UBE2D2: variants seen among roughly 807,000 people sequenced by gnomAD.
UBE2D2 encodes the protein ubiquitin conjugating enzyme E2 D2, also known as ubiquitin-conjugating enzyme E2 D2.
Under a neutral mutation model 24.2 loss-of-function variants are expected in UBE2D2, and 2 were observed. The ratio of observed to expected loss-of-function variants is 0.08; its 90% CI spans 0.03 to 0.26. The LOEUF is 0.26. Among genes scored for constraint, UBE2D2 ranks in the 10% least tolerant of loss-of-function variants. The pLI is 1.00. For missense variants in UBE2D2, 44 were observed against 177.6 expected (o/e 0.25, Z 4.28); for synonymous variants, 58 against 56.5 (o/e 1.03, Z -0.12).
intron 5 of UBE2D2, among the ~76,000 whole-genome samples, chr5:139,616,965 T>C (rs1261812881): frequency 6.6e-6 from 1 of 152,124 alleles, no homozygotes; most frequent in Non-Finnish European, 1.5e-5. Context: ...GCAGATGACT[T>C]GAGACCAGGA....
At chr5:139,557,144 CT>C (rs532571335), upstream of UBE2D2, among the ~76,000 whole-genome samples, 36 of 146,850 alleles carry the variant, frequency 2.5e-4, no homozygotes, top group African/African-American at 9.0e-4. Context: ...ACTTTTATTT[CT>C]TTTTTGAGAC....
rs76951780 is a variant in UBE2D2 at position 139,571,092 on chromosome 5, T to A, written c.24+9277T>A. ...AATATAAATCTTACGTGTGAGTTGT[T>A]AGGGATTTCCTTCAAGGTATTAAAA... On this transcript the variant is annotated intron_variant, in intron 1 of 6. Coordinates refer to ENST00000398733, the MANE Select transcript of UBE2D2 (RefSeq NM_003339.3). Among the ~76,000 whole-genome samples the A allele has an allele frequency of 5.8e-3, 881 of 152,196 alleles. 13 individuals are homozygous for A. The highest frequency in any genetic ancestry group is 0.018 in the African/African-American group (749 of 41,536).
rs534040204 is a variant in UBE2D2 at position 139,526,927 on chromosome 5, A to G, written c.-64+315A>G. 8.7e-4 allele frequency among the ~76,000 whole-genome samples: 133 copies of G among 152,320 alleles called. 1 individual carries two copies. Among genetic ancestry groups the G allele is most frequent in the African/African-American group, 3.1e-3 (129 of 41,574 alleles). Reference sequence around the variant, plus strand: ...ATGATTTTGGTTTGGTATAAACGGTAAAAGTGTGTGTGTACCCTCTTTACC... The same window carrying G: ...ATGATTTTGGTTTGGTATAAACGGTGAAAGTGTGTGTGTACCCTCTTTACC... On this transcript the variant is annotated intron_variant, in intron 1 of 6. Transcript: ENST00000511725.
intron 1 of UBE2D2, among the ~76,000 whole-genome samples, chr5:139,543,200 T>G (rs1284239210): frequency 6.6e-6 from 1 of 152,190 alleles, no homozygotes; most frequent in East Asian, 1.9e-4. Context: ...TGGCATATGT[T>G]ACTTTTTAAA....
At chr5:139,569,789 G>A (rs1478850936) in intron 1 of UBE2D2, among the ~76,000 whole-genome samples, 1 of 152,164 alleles carries the variant, frequency 6.6e-6, no homozygotes, top group East Asian at 1.9e-4. Flanking sequence ...ACTGTCCAGT[G>A]TATTTTCTGG....
At chr5:139,608,953 G>T (rs1754256044) in intron 2 of UBE2D2, among the ~76,000 whole-genome samples, 1 of 151,996 alleles carries the variant, frequency 6.6e-6, no homozygotes, top group Non-Finnish European at 1.5e-5. Flanking sequence ...CAGGTGTGGT[G>T]GCACACACCT....
At chr5:139,559,965 A>T (rs1351524927), upstream of UBE2D2, among the ~76,000 whole-genome samples, 2 of 151,912 alleles carry the variant, frequency 1.3e-5, no homozygotes, top group Admixed American at 6.6e-5. Flanking sequence ...ATCTCCTAAA[A>T]AACAATTCCA....
intron 1 of UBE2D2, among the ~76,000 whole-genome samples, chr5:139,546,205 G>T (rs261538): frequency 6.7e-6 from 1 of 150,210 alleles, no homozygotes; most frequent in Non-Finnish European, 1.5e-5. Flanking sequence ...CACCATGCCC[G>T]TCTAATTTTT....
At chr5:139,623,969 G>A (rs986644387) in intron 6 of UBE2D2, among the ~76,000 whole-genome samples, 3 of 152,084 alleles carry the variant, frequency 2.0e-5, no homozygotes, top group Admixed American at 2.0e-4. Context: ...GGGATTACAG[G>A]TGTGAGCCAC....
exon 1 of UBE2D2, chr5:139,526,579 A>G (rs925129850): frequency 3.9e-5 from 6 of 152,290 alleles, no homozygotes; most frequent in Admixed American, 2.6e-4. Context: ...CCGGGAAGGA[A>G]CTGGCACTTG....
chr5:139,581,913 C>T (rs562856367), intron 1 of UBE2D2, among the ~76,000 whole-genome samples: 1 of 152,068 alleles, frequency 6.6e-6, no homozygotes, highest in Admixed American at 6.6e-5. Context: ...GTGATCTGGC[C>T]GCCATGGCCT....
chr5:139,616,184 G>T (rs1754415961), intron 5 of UBE2D2, among the ~76,000 whole-genome samples: 1 of 149,724 alleles, frequency 6.7e-6, no homozygotes, highest in South Asian at 2.2e-4. Flanking sequence ...TTATGGCCTG[G>T]CACGGTGGCT....
chr5:139,578,177 A>G (rs1045930904), intron 1 of UBE2D2, among the ~76,000 whole-genome samples: 2 of 152,170 alleles, frequency 1.3e-5, no homozygotes, highest in African/African-American at 4.8e-5. Flanking sequence ...ATGGAATTTC[A>G]GATCCTGACA....
At chr5:139,596,147 C>T (rs906430918) in intron 1 of UBE2D2, among the ~76,000 whole-genome samples, 1 of 151,914 alleles carries the variant, frequency 6.6e-6, no homozygotes, top group Admixed American at 6.6e-5. Context: ...CCACCTCAGC[C>T]TCCCAAAGTG....
At chr5:139,547,592 C>A (rs192202745) in intron 1 of UBE2D2, among the ~76,000 whole-genome samples, 66 of 152,094 alleles carry the variant, frequency 4.3e-4, no homozygotes, top group African/African-American at 1.4e-3. Flanking sequence ...TCACTGCAAC[C>A]ACCACCTCCT....
chr5:139,555,160 C>T (rs1369686849), intron 1 of UBE2D2, among the ~76,000 whole-genome samples: 1 of 151,964 alleles, frequency 6.6e-6, no homozygotes, highest in Non-Finnish European at 1.5e-5. Context: ...ATTCTCCTGC[C>T]TCAGCCCCTG....
chr5:139,527,283 C>A (rs1752552760), intron 1 of UBE2D2, among the ~76,000 whole-genome samples: 1 of 152,066 alleles, frequency 6.6e-6, no homozygotes, highest in Non-Finnish European at 1.5e-5. Context: ...GTTTTAGACC[C>A]CCTTCCCCCT....
At chr5:139,543,339 C>T (rs1450330583) in intron 1 of UBE2D2, among the ~76,000 whole-genome samples, 2 of 152,178 alleles carry the variant, frequency 1.3e-5, no homozygotes, top group Admixed American at 6.6e-5. Context: ...GGAAGATGAA[C>T]GCTTGGCACA....
At chr5:139,577,992 C>T (rs1753515928) in intron 1 of UBE2D2, among the ~76,000 whole-genome samples, 1 of 152,172 alleles carries the variant, frequency 6.6e-6, no homozygotes, top group Admixed American at 6.5e-5. Context: ...AAGCCCTTTT[C>T]CTCGCATTTC....
Sources: gnomAD v4.1 joint callset for allele counts (sites outside exome capture counted in the v4.1 genomes callset) on GRCh38, gnomAD v4.1.1 for gene constraint, MANE v1.5 for transcripts, NCBI Gene and HGNC (gene_info 2026-07-23, HGNC 2026-07-21) for gene names.